The following PPP3CC variants were observed in gnomAD, a reference collection of about 807,000 sequenced individuals.
The protein encoded by PPP3CC is serine/threonine-protein phosphatase 2B catalytic subunit gamma isoform.
A neutral mutation model predicts 60.3 loss-of-function variants in PPP3CC; 35 were observed. The observed-to-expected ratio is 0.58, with a 90% confidence interval of 0.44 to 0.77. The LOEUF is 0.77. PPP3CC is among the 30% of genes least tolerant of loss of function. The pLI is 0.00. For synonymous variants in PPP3CC, 206 were observed against 224.3 expected, an observed-to-expected ratio of 0.92 and a Z score of 0.73; for missense variants, 570 against 628.9, an observed-to-expected ratio of 0.91 and a Z score of 1.00.
chr8:22,451,278 G>A (rs1326782583), intron 1 of PPP3CC, among the ~76,000 whole-genome samples: 2 of 152,038 alleles, frequency 1.3e-5, no homozygotes, highest in African/African-American at 4.8e-5. Flanking sequence ...TGGGATTACA[G>A]GTGCATGCCA....
At chr8:22,465,278 A>G (rs1837485714) in intron 1 of PPP3CC, among the ~76,000 whole-genome samples, 1 of 152,044 alleles carries the variant, frequency 6.6e-6, no homozygotes, top group South Asian at 2.1e-4. Flanking sequence ...CTACTTCTTG[A>G]TAGGATAGGG....
intron 1 of PPP3CC, among the ~76,000 whole-genome samples, chr8:22,444,987 T>C (rs1039147532): frequency 3.9e-5 from 6 of 152,234 alleles, no homozygotes; most frequent in Non-Finnish European, 7.3e-5. Flanking sequence ...CAGTAGGAAT[T>C]ACATGACAAA....
intron 3 of PPP3CC, among the ~76,000 whole-genome samples, chr8:22,480,283 T>C (rs1838021951): frequency 1.3e-5 from 2 of 152,206 alleles, no homozygotes; most frequent in African/African-American, 2.4e-5. Flanking sequence ...TTATGAGTTA[T>C]ACAATTTTTG....
intron 10 of PPP3CC, among the ~76,000 whole-genome samples, chr8:22,529,631 G>T (rs536278473): frequency 2.0e-5 from 3 of 152,066 alleles, no homozygotes; most frequent in East Asian, 3.9e-4. Context: ...TTATAGGCGC[G>T]TGCCACCATG....
At chr8:22,483,963 C>T (rs1482632994) in intron 3 of PPP3CC, among the ~76,000 whole-genome samples, 2 of 152,046 alleles carry the variant, frequency 1.3e-5, no homozygotes, top group African/African-American at 4.8e-5. Context: ...GCCTCAGCCA[C>T]CCCAATTAGC....
At chr8:22,498,512 T>C (rs1404916024) in intron 4 of PPP3CC, among the ~76,000 whole-genome samples, 2 of 152,218 alleles carry the variant, frequency 1.3e-5, no homozygotes, top group African/African-American at 4.8e-5. Context: ...ATCACACTAT[T>C]TGAAATATGG....
At position 22,525,091 on chromosome 8, in the gene PPP3CC, C is replaced by G. The variant is rs144687976; in HGVS notation, c.944-2301C>G. ...CTTTGAGTCCAGTAGTTCGAGGCTG[C>G]AGTGAGCTGTGATCACACCACTGCA... On this transcript the variant is annotated intron_variant, in intron 8 of 13. Coordinates refer to ENST00000240139, the MANE Select transcript of PPP3CC (RefSeq NM_005605.5). 8.5e-5 allele frequency among the ~76,000 whole-genome samples: 13 copies of G among 152,156 alleles called. 2 individuals carry two copies. Among genetic ancestry groups the G allele is most frequent in the African/African-American group, 2.9e-4 (12 of 41,518 alleles).
At chr8:22,454,420 TG>T (rs1554527869) in intron 1 of PPP3CC, among the ~76,000 whole-genome samples, 1 of 152,228 alleles carries the variant, frequency 6.6e-6, no homozygotes, top group Non-Finnish European at 1.5e-5. Flanking sequence ...AGGACCTGTC[TG>T]GGGCTGTTTT....
chr8:22,484,645 C>G (rs922917960), intron 3 of PPP3CC, among the ~76,000 whole-genome samples: 1 of 152,198 alleles, frequency 6.6e-6, no homozygotes, highest in Non-Finnish European at 1.5e-5. Context: ...TATCTTCTAA[C>G]AAGGTCTGTT....
At chr8:22,519,250 A>T (rs1586857493) in intron 6 of PPP3CC, among the ~76,000 whole-genome samples, 1 of 151,992 alleles carries the variant, frequency 6.6e-6, no homozygotes, top group Admixed American at 6.6e-5. Context: ...CTACCCTTTT[A>T]CTTTCAGCTT....
chr8:22,525,506 CTTTCT>C (rs1449927989), intron 8 of PPP3CC, among the ~76,000 whole-genome samples: 77 of 88,370 alleles, frequency 8.7e-4, no homozygotes, highest in Middle Eastern at 5.0e-3. Flanking sequence ...TTCTTTCTTT[CTTTCT>C]TTCTTTCTTT....
chr8:22,539,528 T>A (rs1839913719), intron 13 of PPP3CC, 30 bp downstream of exon 13: 4 of 1,607,244 alleles, frequency 2.5e-6, no homozygotes, highest in Non-Finnish European at 3.4e-6. Flanking sequence ...ATAGATGTGA[T>A]CCATGTGTCT....
chr8:22,462,070 T>G (rs1181360997), intron 1 of PPP3CC, among the ~76,000 whole-genome samples: 1 of 152,028 alleles, frequency 6.6e-6, no homozygotes, highest in Non-Finnish European at 1.5e-5. Context: ...CCTCAGTCTT[T>G]AAAAAAATTT....
In PPP3CC at chr8:22,517,399, T is replaced by C. The variant is rs555070062; in HGVS notation, c.770+3967T>C. On this transcript the variant is annotated intron_variant, in intron 6 of 13. Transcript: ENST00000240139. ...TCATAATGTGAGTTTGGAAGAATTC[T>C]CTCTTCTATTTTTTGGAAGGTTTAA... Among the ~76,000 whole-genome samples the C allele has an allele frequency of 3.9e-5, 6 of 152,106 alleles. 1 individual carries two copies. The highest frequency in any genetic ancestry group is 1.4e-4 in the African/African-American group (6 of 41,524).
chr8:22,501,744 C>T (rs1033521368), intron 4 of PPP3CC, among the ~76,000 whole-genome samples: 2 of 152,154 alleles, frequency 1.3e-5, no homozygotes, highest in Admixed American at 6.5e-5. Flanking sequence ...GGCATGGTGG[C>T]TCATGCCTGT....
At chr8:22,451,540 T>A (rs1837026421) in intron 1 of PPP3CC, among the ~76,000 whole-genome samples, 1 of 151,258 alleles carries the variant, frequency 6.6e-6, no homozygotes, top group South Asian at 2.1e-4. Context: ...AAGTGGACAC[T>A]TTCTTTCCTG....
intron 4 of PPP3CC, among the ~76,000 whole-genome samples, chr8:22,505,527 C>T (rs976178339): frequency 6.6e-5 from 10 of 151,870 alleles, no homozygotes; most frequent in East Asian, 3.9e-4. Context: ...ATCCATAAAG[C>T]GAAATACTAG....
At chr8:22,538,266 C>T (rs1411558725) in intron 12 of PPP3CC, among the ~76,000 whole-genome samples, 2 of 152,158 alleles carry the variant, frequency 1.3e-5, no homozygotes, top group Non-Finnish European at 2.9e-5. Context: ...TGTAGAGTTT[C>T]AGCAATGCTT....
chr8:22,517,350 T>G (rs1839275196), intron 6 of PPP3CC, among the ~76,000 whole-genome samples: 1 of 152,222 alleles, frequency 6.6e-6, no homozygotes, highest in Non-Finnish European at 1.5e-5. Flanking sequence ...TGTCTTTGGC[T>G]TTGGTATCAG....
Sources: allele counts gnomAD v4.1 joint callset (sites outside exome capture counted in the v4.1 genomes callset), GRCh38; gene constraint gnomAD v4.1.1; transcripts MANE v1.5; gene names NCBI Gene and HGNC (gene_info 2026-07-23, HGNC 2026-07-21).